The following SDC2 variants were observed in gnomAD, a reference collection of about 807,000 sequenced individuals.
The protein encoded by SDC2 is syndecan 2.
In SDC2, 13 loss-of-function variants were observed where a neutral mutation model predicts 22.2. The observed-to-expected ratio is 0.59, with a 90% CI of 0.38 to 0.93. SDC2 has a LOEUF of 0.93. Among genes scored for constraint, SDC2 ranks in the 40% least tolerant of loss-of-function variants. The pLI, the probability that SDC2 is intolerant of heterozygous loss-of-function variation, is 0.00. For missense variants in SDC2, 235 were observed against 246.8 expected (o/e 0.95, Z 0.32); for synonymous variants, 94 against 92.8 (o/e 1.01, Z -0.07).
At chr8:96,586,037 C>T (rs1235099384) in intron 1 of SDC2, among the ~76,000 whole-genome samples, 1 of 152,140 alleles carries the variant, frequency 6.6e-6, no homozygotes, top group Non-Finnish European at 1.5e-5. Flanking sequence ...GTTAAGTACC[C>T]TAACTTGGTG....
chr8:96,553,288 T>C (rs1338033415), intron 1 of SDC2, among the ~76,000 whole-genome samples: 1 of 152,176 alleles, frequency 6.6e-6, no homozygotes, highest in Non-Finnish European at 1.5e-5. Context: ...ATAAAATATA[T>C]ATTCTAATTA....
At chr8:96,593,043 T>C (rs532953453) in intron 1 of SDC2, among the ~76,000 whole-genome samples, 3 of 152,324 alleles carry the variant, frequency 2.0e-5, no homozygotes, top group South Asian at 2.1e-4. Context: ...TGGGTGATTA[T>C]TTAGCCTAAG....
intron 1 of SDC2, among the ~76,000 whole-genome samples, chr8:96,529,436 C>T (rs976742474): frequency 6.6e-6 from 1 of 152,152 alleles, no homozygotes; most frequent in African/African-American, 2.4e-5. Flanking sequence ...TTATTTAAAA[C>T]AAATCCCAAC....
chr8:96,590,762 G>T (rs544673132), intron 1 of SDC2, among the ~76,000 whole-genome samples: 1 of 152,162 alleles, frequency 6.6e-6, no homozygotes, highest in African/African-American at 2.4e-5. Context: ...TATGTTCTTT[G>T]TGCTCCTGAA....
chr8:96,527,378 C>T (rs1290710506), intron 1 of SDC2, among the ~76,000 whole-genome samples: 1 of 152,224 alleles, frequency 6.6e-6, no homozygotes, highest in African/African-American at 2.4e-5. Flanking sequence ...TCCTAATCCT[C>T]TCCCTGCCTC....
intron 1 of SDC2, among the ~76,000 whole-genome samples, chr8:96,577,114 G>A (rs1814518177): frequency 6.6e-6 from 1 of 152,182 alleles, no homozygotes; most frequent in African/African-American, 2.4e-5. Flanking sequence ...CTTGCTTGAT[G>A]GAACAGTGTA....
intron 1 of SDC2, among the ~76,000 whole-genome samples, chr8:96,554,533 T>C (rs1814078612): frequency 6.6e-6 from 1 of 152,232 alleles, no homozygotes; most frequent in African/African-American, 2.4e-5. Flanking sequence ...CTGAACACTT[T>C]ATCTTTGCAG....
At chr8:96,512,080 G>A (rs982332348) in intron 1 of SDC2, among the ~76,000 whole-genome samples, 1 of 152,160 alleles carries the variant, frequency 6.6e-6, no homozygotes, top group African/African-American at 2.4e-5. Flanking sequence ...AGTCAAGGGG[G>A]AGAACATACC....
At chr8:96,580,370 C>A in intron 1 of SDC2, 1 of 985,222 alleles carries the variant, frequency 1.0e-6, no homozygotes, top group Non-Finnish European at 1.2e-6. Context: ...AGAGCATTTG[C>A]CAAAGCCAGG....
At chr8:96,554,641 C>A (rs182925070) in intron 1 of SDC2, among the ~76,000 whole-genome samples, 236 of 152,272 alleles carry the variant, frequency 1.5e-3, no homozygotes, top group Non-Finnish European at 2.5e-3. Context: ...AGAGATGGCT[C>A]AAGGATGTTG....
intron 1 of SDC2, among the ~76,000 whole-genome samples, chr8:96,548,995 T>C (rs2130532394): frequency 6.6e-6 from 1 of 152,300 alleles, no homozygotes; most frequent in East Asian, 1.9e-4. Flanking sequence ...CAGCATAATG[T>C]TGTGTTGTGG....
intron 3 of SDC2, 129 bp downstream of exon 3, chr8:96,602,657 C>T: frequency 1.0e-6 from 1 of 964,434 alleles, no homozygotes; most frequent in African/African-American, 1.6e-5. Context: ...ACTATGTACA[C>T]AACAGTTCTT....
At chr8:96,559,171 C>T (rs1286333923) in intron 1 of SDC2, among the ~76,000 whole-genome samples, 1 of 152,032 alleles carries the variant, frequency 6.6e-6, no homozygotes, top group African/African-American at 2.4e-5. Context: ...GACACAAGGG[C>T]CGATGGTGGC....
At chr8:96,592,243 C>G (rs1016581436) in intron 1 of SDC2, among the ~76,000 whole-genome samples, 2 of 152,166 alleles carry the variant, frequency 1.3e-5, no homozygotes, top group South Asian at 4.1e-4. Flanking sequence ...CCTTGCTAGC[C>G]AGCTGCTGAA....
intron 1 of SDC2, among the ~76,000 whole-genome samples, chr8:96,569,956 G>A (rs1814363988): frequency 6.6e-6 from 1 of 152,208 alleles, no homozygotes; most frequent in East Asian, 1.9e-4. Flanking sequence ...ACAGGAAGGG[G>A]AGTCGCTTGA....
At chr8:96,560,673 G>C (rs1814194231) in intron 1 of SDC2, among the ~76,000 whole-genome samples, 1 of 151,738 alleles carries the variant, frequency 6.6e-6, no homozygotes. Flanking sequence ...TATTATTTTT[G>C]GATCATTAAA....
intron 2 of SDC2, among the ~76,000 whole-genome samples, chr8:96,594,559 A>G (rs1814840317): frequency 6.6e-6 from 1 of 152,194 alleles, no homozygotes; most frequent in Non-Finnish European, 1.5e-5. Flanking sequence ...TAGTGAAAGG[A>G]TTCATAAAGT....
At chr8:96,502,090 T>A (rs1813174774) in intron 1 of SDC2, among the ~76,000 whole-genome samples, 2 of 152,148 alleles carry the variant, frequency 1.3e-5, no homozygotes, top group Non-Finnish European at 2.9e-5. Flanking sequence ...ACTAGGTAAT[T>A]TATAAAGGAA....
chr8:96,610,765 A>G lies in SDC2; in HGVS notation c.*1217A>G, dbSNP rs987859500. On this transcript the variant is annotated 3_prime_UTR_variant, in exon 5 of 5. Coordinates refer to ENST00000302190, the MANE Select transcript of SDC2 (RefSeq NM_002998.4). ...AAGTGTTTCACAGTGTCTGTAAATCAAGACCAAAGAGCCTGTCGATGAGAC... is the reference window on the plus strand; with the variant it reads ...AAGTGTTTCACAGTGTCTGTAAATCGAGACCAAAGAGCCTGTCGATGAGAC... The G allele has an allele frequency of 1.3e-5, 2 of 152,640 alleles. No individual in the cohort carries two copies. Among genetic ancestry groups the G allele is most frequent in the African/African-American group, 4.8e-5 (2 of 41,448 alleles). The allele number at this position is 152,640 out of a possible 1,614,324, so 9.5% of individuals were successfully genotyped here.
Sources: gnomAD v4.1 joint callset for allele counts (sites outside exome capture counted in the v4.1 genomes callset) on GRCh38, gnomAD v4.1.1 for gene constraint, MANE v1.5 for transcripts, NCBI Gene and HGNC (gene_info 2026-07-23, HGNC 2026-07-21) for gene names.